CERKL: variants seen among roughly 807,000 people sequenced by gnomAD.
CERKL encodes ceramide kinase-like protein.
A neutral mutation model predicts 63.4 loss-of-function variants in CERKL; 61 were observed. The ratio of observed to expected loss-of-function variants is 0.96; its 90% CI spans 0.78 to 1.19. The LOEUF is 1.19. Among genes scored for constraint, CERKL ranks in the 50% most tolerant of loss-of-function variants. The probability of loss-of-function intolerance (pLI) is 0.00; values close to 1 mark genes in which losing one functional copy is unlikely to be tolerated. For missense variants in CERKL, 675 were observed against 655.5 expected (o/e 1.03, Z -0.33); for synonymous variants, 250 against 230.5 (o/e 1.08, Z -0.77).
rs1158959260 is a variant in CERKL at position 181,537,916 on chromosome 2, T to C, written c.*268A>G. ...TTACTGAGTTCCTCCCCCTGTCAGA[T>C]CAGCAGCAGCATTAGATTCTCATAG... On this transcript the variant is annotated 3_prime_UTR_variant, in exon 13 of 13. Coordinates refer to ENST00000410087, the MANE Select transcript of CERKL (RefSeq NM_201548.5). The C allele has an allele frequency of 1.7e-6, 1 of 580,336 alleles. No homozygotes were observed. The highest frequency in any genetic ancestry group is 2.2e-5 in the Admixed American group (1 of 46,232). 35.9% of individuals were successfully genotyped at this position (580,336 alleles called of 1,614,324 possible). A position where few individuals can be genotyped will look rare whatever the true frequency, so the allele number is the denominator to read the frequency against.
At chr2:181,546,959 A>G (rs1346769661) in intron 10 of CERKL, among the ~76,000 whole-genome samples, 1 of 152,122 alleles carries the variant, frequency 6.6e-6, no homozygotes, top group East Asian at 1.9e-4. Context: ...GGTGGGAGAT[A>G]ACTGAATCAT....
intron 3 of CERKL, among the ~76,000 whole-genome samples, chr2:181,573,067 T>C (rs1199656127): frequency 1.3e-5 from 2 of 152,098 alleles, no homozygotes; most frequent in African/African-American, 4.8e-5. Context: ...GCTAGGAAGG[T>C]TGCGATTCTC....
At chr2:181,564,551 C>T (rs1037481720) in intron 4 of CERKL, among the ~76,000 whole-genome samples, 2 of 152,160 alleles carry the variant, frequency 1.3e-5, no homozygotes, top group Admixed American at 1.3e-4. Flanking sequence ...TATTGTACTA[C>T]ACTTCAGCAA....
chr2:181,578,263 G>C (rs1157406890), intron 2 of CERKL, among the ~76,000 whole-genome samples: 1 of 151,640 alleles, frequency 6.6e-6, no homozygotes, highest in African/African-American at 2.4e-5. Context: ...TGTGTGGGGG[G>C]GTATGTGTAT....
At chr2:181,602,142 T>C (rs1685483245) in intron 2 of CERKL, among the ~76,000 whole-genome samples, 2 of 152,350 alleles carry the variant, frequency 1.3e-5, no homozygotes, top group Admixed American at 6.5e-5. Flanking sequence ...TTGAGCTTTG[T>C]TGTGATGTCC....
chr2:181,561,941 G>A (rs1435783932), intron 4 of CERKL, among the ~76,000 whole-genome samples: 1 of 152,088 alleles, frequency 6.6e-6, no homozygotes, highest in East Asian at 1.9e-4. Flanking sequence ...AGCCTCCCAA[G>A]TAGCTGAGAC....
chr2:181,540,155 T>C (rs2105789318), intron 11 of CERKL, among the ~76,000 whole-genome samples: 1 of 152,328 alleles, frequency 6.6e-6, no homozygotes, highest in African/African-American at 2.4e-5. Flanking sequence ...CAGTTTATAC[T>C]GTAAACACAG....
chr2:181,559,333 C>G (rs1195482152), intron 4 of CERKL, among the ~76,000 whole-genome samples: 1 of 152,040 alleles, frequency 6.6e-6, no homozygotes, highest in Non-Finnish European at 1.5e-5. Flanking sequence ...ATCAAGTAGA[C>G]TATGGGGGCA....
chr2:181,561,576 G>A (rs888603879), intron 4 of CERKL, among the ~76,000 whole-genome samples: 1 of 152,050 alleles, frequency 6.6e-6, no homozygotes, highest in African/African-American at 2.4e-5. Context: ...ATTTTGAAAT[G>A]GCCCTGCAAA....
intron 1 of CERKL, among the ~76,000 whole-genome samples, chr2:181,627,535 A>G (rs114983162): frequency 0.022 from 3,397 of 152,308 alleles, 115 homozygotes; most frequent in African/African-American, 0.078. Flanking sequence ...TACTCATCCT[A>G]AAAACTTTTA....
chr2:181,585,439 G>A (rs1431796872), intron 2 of CERKL, among the ~76,000 whole-genome samples: 4 of 151,956 alleles, frequency 2.6e-5, no homozygotes, highest in East Asian at 3.8e-4. Flanking sequence ...TCTTTAAATT[G>A]GTATTTTATA....
At chr2:181,573,930 T>C (rs745501376) in intron 2 of CERKL, 46 bp from the exon 3 acceptor site, 10 of 1,560,024 alleles carry the variant, frequency 6.4e-6, no homozygotes, top group Non-Finnish European at 7.9e-6. Context: ...CTTGTCATCA[T>C]TTTTTTTCTT....
At position 181,548,557 on chromosome 2, in the gene CERKL, T is replaced by A; in HGVS notation, c.1121A>T (p.Asp374Val). The change falls in exon 8 of 13, where the codon GAT becomes GTT. Residue 374 changes from aspartate to valine, a missense_variant. By Grantham distance (152) the Asp-to-Val change is radical (BLOSUM62 -3). Coordinates refer to ENST00000410087, the MANE Select transcript of CERKL (RefSeq NM_201548.5). ...ISFLPFNSSDDVQERRAQGSP... is the reference protein window; with the variant it reads ...ISFLPFNSSDVVQERRAQGSP... ...AGTTTTTACCTACCTTTCTTGCACA[T>A]CATCAGAGCTGTTAAATGGTAAAAA... The A allele has an allele frequency of 6.2e-7, 1 of 1,611,554 alleles. No homozygotes were observed. The highest frequency in any genetic ancestry group is 8.5e-7 in the Non-Finnish European group (1 of 1,178,062).
At chr2:181,641,976 G>A (rs1161343825) in intron 1 of CERKL, among the ~76,000 whole-genome samples, 1 of 152,142 alleles carries the variant, frequency 6.6e-6, no homozygotes, top group African/African-American at 2.4e-5. Flanking sequence ...TAAAACTTTT[G>A]AGGCTATTTT....
Position 181,538,159 on chromosome 2 carries a change from C to A in CERKL, c.*25G>T, listed in dbSNP as rs368851275. 2,690 of 1,454,152 alleles carry A rather than the reference C, an allele frequency of 1.8e-3. 8 individuals carry two copies. The highest frequency in any genetic ancestry group is 2.5e-3 in the Non-Finnish European group (2,575 of 1,037,106). The allele number at this position is 1,454,152 out of a possible 1,614,324, so 90.1% of individuals were successfully genotyped here. A position where few individuals can be genotyped will look rare whatever the true frequency, so the allele number is the denominator to read the frequency against. On this transcript the variant is annotated 3_prime_UTR_variant, in exon 13 of 13. Coordinates refer to ENST00000410087, the MANE Select transcript of CERKL (RefSeq NM_201548.5). ...CTTTATATTAAAATTCTAGTTTGTACATTTCTTTTAGAAACAATTACATGT... is the reference window on the plus strand; with the variant it reads ...CTTTATATTAAAATTCTAGTTTGTAAATTTCTTTTAGAAACAATTACATGT...
chr2:181,653,985 CG>C (rs971769753), intron 1 of CERKL, among the ~76,000 whole-genome samples: 29 of 151,990 alleles, frequency 1.9e-4, no homozygotes, highest in Non-Finnish European at 4.4e-5. Flanking sequence ...AATTGTACAA[CG>C]TAAATATCAA....
chr2:181,608,578 A>G (rs905005217), intron 1 of CERKL, among the ~76,000 whole-genome samples: 4 of 152,210 alleles, frequency 2.6e-5, no homozygotes, highest in African/African-American at 9.7e-5. Flanking sequence ...GACTATTCCA[A>G]TGTAAAATAT....
Position 181,536,885 on chromosome 2 carries a change from A to C in CERKL, c.*1299T>G, listed in dbSNP as rs201567328. 13 of 452,858 alleles carry C rather than the reference A, an allele frequency of 2.9e-5. No individual in the cohort carries two copies. The highest frequency in any genetic ancestry group is 6.0e-5 in the African/African-American group (3 of 49,930). The allele number at this position is 452,858 out of a possible 1,614,324, so 28.1% of individuals were successfully genotyped here. On this transcript the variant is annotated 3_prime_UTR_variant, in exon 13 of 13. Transcript: ENST00000410087. The stretch of plus-strand genomic sequence containing the variant: ...CGAATTTTGAACATCTGTTATAGGG[A>C]GTGATCAAATTAGAAGGCAATGTGG...
chr2:181,536,787 A>T lies in CERKL; in HGVS notation c.*1397T>A. On this transcript the variant is annotated 3_prime_UTR_variant, in exon 13 of 13. Transcript: ENST00000410087. ...AAATACAATCATTTTTGTAATATTT[A>T]TTTTATGCTTATGATCTAGATAATT... The T allele has an allele frequency of 3.9e-6, 1 of 254,342 alleles. No homozygotes were observed. 15.8% of individuals were successfully genotyped at this position (254,342 alleles called of 1,614,324 possible). A position where few individuals can be genotyped will look rare whatever the true frequency, so the allele number is the denominator to read the frequency against.
Sources: allele counts gnomAD v4.1 joint callset (sites outside exome capture counted in the v4.1 genomes callset), GRCh38; gene constraint gnomAD v4.1.1; transcripts MANE v1.5; gene names NCBI Gene and HGNC (gene_info 2026-07-23, HGNC 2026-07-21).